The following DCUN1D1 variants were observed in gnomAD, a reference collection of about 807,000 sequenced individuals.
DCUN1D1 encodes DCN1-like protein 1.
DCUN1D1 carries 3 observed loss-of-function variants against 39.0 expected under a neutral mutation model. That is an observed-to-expected ratio of 0.08 (90% CI 0.04 to 0.20). DCUN1D1 has a LOEUF of 0.20. Ranked by LOEUF, DCUN1D1 falls within the 10% of genes least tolerant of loss-of-function variation. DCUN1D1 has a pLI of 1.00. For missense variants in DCUN1D1, 158 were observed against 302.4 expected (o/e 0.52, Z 3.54); for synonymous variants, 82 against 96.3 (o/e 0.85, Z 0.87).
upstream of DCUN1D1, among the ~76,000 whole-genome samples, chr3:182,984,719 T>C (rs923363265): frequency 6.6e-6 from 1 of 152,202 alleles, no homozygotes. Flanking sequence ...AAAATTCATA[T>C]TAAGACATAA....
At chr3:182,957,636 CA>C (rs540021404) in intron 4 of DCUN1D1, among the ~76,000 whole-genome samples, 4 of 148,906 alleles carry the variant, frequency 2.7e-5, no homozygotes, top group Admixed American at 6.7e-5. Flanking sequence ...TAAAACAAAT[CA>C]AAAAAAAATG....
At chr3:182,946,166 GCA>G (rs1490513819) in intron 6 of DCUN1D1, among the ~76,000 whole-genome samples, 2 of 152,148 alleles carry the variant, frequency 1.3e-5, no homozygotes, top group African/African-American at 4.8e-5. Flanking sequence ...GTGGATGGTA[GCA>G]CCATCTTTAT....
chr3:182,978,940 G>T (rs1192174457), intron 1 of DCUN1D1, among the ~76,000 whole-genome samples: 9 of 152,190 alleles, frequency 5.9e-5, no homozygotes, highest in Admixed American at 5.9e-4. Context: ...AGGGGATGAT[G>T]CGGATCTGGA....
At chr3:182,952,618 CCACCCCCATCCCCACCACCCTG>C (rs1401606794) in intron 4 of DCUN1D1, among the ~76,000 whole-genome samples, 1 of 152,018 alleles carries the variant, frequency 6.6e-6, no homozygotes, top group Non-Finnish European at 1.5e-5. Flanking sequence ...CTCATTAGCA[CCACCCCCATCCCCACCACCCTG>C]CACCCCCTTC....
chr3:182,979,018 C>T (rs1235521159), intron 1 of DCUN1D1, among the ~76,000 whole-genome samples: 2 of 152,134 alleles, frequency 1.3e-5, no homozygotes, highest in African/African-American at 4.8e-5. Context: ...GTCATTACTT[C>T]GAGCTTACTA....
chr3:182,979,375 C>A (rs1335289623), intron 1 of DCUN1D1, among the ~76,000 whole-genome samples: 1 of 152,152 alleles, frequency 6.6e-6, no homozygotes, highest in East Asian at 1.9e-4. Flanking sequence ...CACAGGCGCG[C>A]ACACACACCC....
At position 182,940,869 on chromosome 3, in the gene DCUN1D1, T is replaced by C. The variant is rs1467812938; in HGVS notation, c.*4225A>G. ...ACTTTTAAAATCTCAATTTAAAAAATGGACAACTATAACATGATTCCCTTT... is the reference window on the plus strand; with the variant it reads ...ACTTTTAAAATCTCAATTTAAAAAACGGACAACTATAACATGATTCCCTTT... On this transcript the variant is annotated 3_prime_UTR_variant, in exon 7 of 7. Transcript: ENST00000292782. 2.0e-5 allele frequency: 3 copies of C among 152,210 alleles called. No individual in the cohort carries two copies. Among genetic ancestry groups the C allele is most frequent in the Admixed American group, 2.0e-4 (3 of 15,276 alleles). The allele number at this position is 152,210 out of a possible 1,614,324, so 9.4% of individuals were successfully genotyped here. A position where few individuals can be genotyped will look rare whatever the true frequency, so the allele number is the denominator to read the frequency against.
intron 4 of DCUN1D1, among the ~76,000 whole-genome samples, chr3:182,948,024 T>C (rs1314386823): frequency 1.3e-5 from 2 of 152,170 alleles, no homozygotes; most frequent in African/African-American, 2.4e-5. Flanking sequence ...CTGTGTACTG[T>C]AGGAAATTTA....
chr3:182,976,120 G>A (rs1728227154), intron 1 of DCUN1D1, among the ~76,000 whole-genome samples: 1 of 152,072 alleles, frequency 6.6e-6, no homozygotes, highest in Non-Finnish European at 1.5e-5. Context: ...TAATCCATTA[G>A]TTTTTATTGA....
intron 1 of DCUN1D1, among the ~76,000 whole-genome samples, chr3:182,972,545 GGGA>G (rs914721378): frequency 6.6e-6 from 1 of 152,114 alleles, no homozygotes; most frequent in African/African-American, 2.4e-5. Context: ...GGGAGGTCGA[GGGA>G]GGAGGACTGC....
At position 182,939,861 on chromosome 3, in the gene DCUN1D1, A is replaced by G. The variant is rs1726061119; in HGVS notation, c.*5233T>C. 6.6e-6 allele frequency: 1 copy of G among 152,198 alleles called. No homozygotes were observed. Among genetic ancestry groups the G allele is most frequent in the Non-Finnish European group, 1.5e-5 (1 of 68,026 alleles). 9.4% of individuals were successfully genotyped at this position (152,198 alleles called of 1,614,324 possible). On this transcript the variant is annotated 3_prime_UTR_variant, in exon 7 of 7. Coordinates refer to ENST00000292782, the MANE Select transcript of DCUN1D1 (RefSeq NM_020640.4). The stretch of plus-strand genomic sequence containing the variant: ...TATACAAAGCAATTTTTTAAGTACC[A>G]TTGTAACAAAGTCTTACAAATCACT...
intron 6 of DCUN1D1, 39 bp downstream of exon 6, chr3:182,947,199 C>T: frequency 1.8e-6 from 2 of 1,113,162 alleles, no homozygotes; most frequent in Non-Finnish European, 2.7e-6. Context: ...GATAAAAAGG[C>T]ACATTAAAAA....
chr3:182,949,915 A>G (rs1192166559), intron 4 of DCUN1D1, among the ~76,000 whole-genome samples: 1 of 152,212 alleles, frequency 6.6e-6, no homozygotes, highest in Non-Finnish European at 1.5e-5. Flanking sequence ...GGTTTCACAT[A>G]CAAACATACT....
chr3:182,949,462 G>A lies in DCUN1D1; in HGVS notation c.521-1830C>T, dbSNP rs192206392. On this transcript the variant is annotated intron_variant, in intron 4 of 6. Transcript: ENST00000292782. Reference sequence around the variant, plus strand: ...AGGCTGCATGCAGTGGCTCATGCCTGTAATCCCATCACTCTGGGAAGCTGA... The same window carrying A: ...AGGCTGCATGCAGTGGCTCATGCCTATAATCCCATCACTCTGGGAAGCTGA... 6.5e-4 allele frequency among the ~76,000 whole-genome samples: 99 copies of A among 152,274 alleles called. 2 individuals are homozygous for A. The East Asian group carries it at 0.018, about 27-fold the overall frequency.
upstream of DCUN1D1, among the ~76,000 whole-genome samples, chr3:182,984,943 C>T (rs1728679045): frequency 6.6e-6 from 1 of 152,172 alleles, no homozygotes; most frequent in South Asian, 2.1e-4. Flanking sequence ...TACACAGCCA[C>T]CACCCTCCCA....
intron 4 of DCUN1D1, among the ~76,000 whole-genome samples, chr3:182,947,865 G>A (rs940093958): frequency 1.4e-4 from 21 of 152,122 alleles, no homozygotes; most frequent in African/African-American, 2.7e-4. Flanking sequence ...CTTATCTCAC[G>A]GGGGAATTCT....
At chr3:182,957,924 C>A (rs772087783) in intron 4 of DCUN1D1, among the ~76,000 whole-genome samples, 23 of 95,542 alleles carry the variant, frequency 2.4e-4, no homozygotes, top group Non-Finnish European at 3.9e-4. Flanking sequence ...GGCAACAGAG[C>A]AAGACCCTGC....
rs1481590160 is a variant in DCUN1D1 at position 182,942,615 on chromosome 3, A to G, written c.*2479T>C. 1 of 151,826 alleles carries G rather than the reference A, an allele frequency of 6.6e-6. No individual in the cohort carries two copies. The highest frequency in any genetic ancestry group is 2.4e-5 in the African/African-American group (1 of 41,314). 9.4% of individuals were successfully genotyped at this position (151,826 alleles called of 1,614,324 possible). On this transcript the variant is annotated 3_prime_UTR_variant, in exon 7 of 7. Coordinates refer to ENST00000292782, the MANE Select transcript of DCUN1D1 (RefSeq NM_020640.4). ...CTGTACCTATGGTTCAGTTTAAAAC[A>G]AAGAATCAGCATGGGGAGTTTACCG...
chr3:182,963,784 G>T, intron 3 of DCUN1D1, 97 bp downstream of exon 3: 1 of 1,063,552 alleles, frequency 9.4e-7, no homozygotes, highest in East Asian at 2.4e-5. Context: ...ACCAATGTTT[G>T]TGGGCCAGCA....
Sources: allele counts gnomAD v4.1 joint callset (sites outside exome capture counted in the v4.1 genomes callset), GRCh38; gene constraint gnomAD v4.1.1; transcripts MANE v1.5; gene names NCBI Gene and HGNC (gene_info 2026-07-23, HGNC 2026-07-21).